CAMKMT: variants seen among roughly 807,000 people sequenced by gnomAD.
CAMKMT encodes the protein calmodulin-lysine N-methyltransferase.
CAMKMT carries 53 observed loss-of-function variants against 48.0 expected under a neutral mutation model. That is an observed-to-expected ratio of 1.10 (90% CI 0.89 to 1.39). The LOEUF is 1.39. CAMKMT is among the 40% of genes most tolerant of loss of function. The pLI is 0.00. For missense variants in CAMKMT, 428 were observed against 402.7 expected, an observed-to-expected ratio of 1.06 and a Z score of -0.54; for synonymous variants, 165 against 152.3, an observed-to-expected ratio of 1.08 and a Z score of -0.61.
chr2:44,391,891 T>C (rs984164828), intron 3 of CAMKMT: 1 of 152,802 alleles, frequency 6.5e-6, no homozygotes, highest in Non-Finnish European at 1.5e-5. Context: ...GTAGAAAGGT[T>C]TAAGACTTTG....
intron 3 of CAMKMT, among the ~76,000 whole-genome samples, chr2:44,419,878 T>C (rs545551931): frequency 6.6e-6 from 1 of 151,536 alleles, no homozygotes; most frequent in Non-Finnish European, 1.5e-5. Context: ...TTTAAAAAAA[T>C]TTTTTTTTTC....
rs184315771 is a variant in CAMKMT at position 44,743,185 on chromosome 2, A to G, written c.624-437A>G. 2.8e-4 allele frequency among the ~76,000 whole-genome samples: 43 copies of G among 152,354 alleles called. No individual in the cohort carries two copies. The East Asian group carries it at 7.5e-3, about 27-fold the overall frequency. On this transcript the variant is annotated intron_variant, in intron 7 of 10. Coordinates refer to ENST00000378494, the MANE Select transcript of CAMKMT (RefSeq NM_024766.5). Reference sequence around the variant, plus strand: ...TCCATCTTACCAAATTGCTCATTTCATCAATATGAAAAGCAACTGATATGC... The same window carrying G: ...TCCATCTTACCAAATTGCTCATTTCGTCAATATGAAAAGCAACTGATATGC...
chr2:44,442,270 AGC>A (rs1666712822), intron 3 of CAMKMT, among the ~76,000 whole-genome samples: 1 of 152,216 alleles, frequency 6.6e-6, no homozygotes, highest in Non-Finnish European at 1.5e-5. Context: ...GCAGGTCAGA[AGC>A]CCAAGAGCAA....
At chr2:44,473,053 G>A (rs982597878) in intron 3 of CAMKMT, among the ~76,000 whole-genome samples, 4 of 152,168 alleles carry the variant, frequency 2.6e-5, no homozygotes, top group Non-Finnish European at 5.9e-5. Context: ...CTACCATGAT[G>A]TTTCTTTCAA....
In CAMKMT at chr2:44,489,307, G is replaced by A. The variant is rs147282256; in HGVS notation, c.376+99002G>A. 2.3e-3 allele frequency among the ~76,000 whole-genome samples: 328 copies of A among 143,420 alleles called. No homozygotes were observed. The Middle Eastern group carries it at 0.03, about 13-fold the overall frequency. The allele number at this position is 143,420 out of a possible 152,430, so 94.1% of individuals were successfully genotyped here. ...GTCGCCCAGGCTGGAGTGCAATGGC[G>A]CAATCTTGGCTCACTGCAATCTCTG... On this transcript the variant is annotated intron_variant, in intron 3 of 10. Transcript: ENST00000378494.
intron 3 of CAMKMT, among the ~76,000 whole-genome samples, chr2:44,401,518 C>G (rs905251779): frequency 6.6e-6 from 1 of 151,674 alleles, no homozygotes; most frequent in South Asian, 2.1e-4. Flanking sequence ...GATTGTGTCA[C>G]TGCACTCCAG....
At chr2:44,366,528 T>C (rs991270228) in intron 1 of CAMKMT, among the ~76,000 whole-genome samples, 5 of 152,264 alleles carry the variant, frequency 3.3e-5, no homozygotes, top group African/African-American at 1.2e-4. Flanking sequence ...TGGTAATAGT[T>C]GTCATATAAG....
rs1278204038 is a variant in CAMKMT at position 44,686,315 on chromosome 2, C to T, written c.377-17968C>T. Among the ~76,000 whole-genome samples, 9 of 151,652 alleles carry T rather than the reference C, an allele frequency of 5.9e-5. No individual in the cohort carries two copies. In the East Asian group the frequency reaches 1.7e-3, roughly 29 times the overall value. On this transcript the variant is annotated intron_variant, in intron 3 of 10. Transcript: ENST00000378494. ...GGCTGAGTCAGGAGAATGGCGTGAA[C>T]CTGGGAGGCAAAGCTTGCAGTGAGC...
intron 3 of CAMKMT, among the ~76,000 whole-genome samples, chr2:44,502,339 G>A (rs1467609680): frequency 1.3e-5 from 2 of 152,102 alleles, no homozygotes; most frequent in Non-Finnish European, 2.9e-5. Flanking sequence ...CCCTGTGACT[G>A]ATTAGTATCC....
chr2:44,570,326 A>T (rs1668839544), intron 3 of CAMKMT, among the ~76,000 whole-genome samples: 1 of 152,212 alleles, frequency 6.6e-6, no homozygotes, highest in Non-Finnish European at 1.5e-5. Context: ...AGCAATCATG[A>T]TCAGACTTGT....
chr2:44,644,482 G>A (rs1053580564), intron 3 of CAMKMT, among the ~76,000 whole-genome samples: 6 of 152,310 alleles, frequency 3.9e-5, no homozygotes, highest in African/African-American at 1.4e-4. Context: ...AAGTTTTGAT[G>A]TAGTTTCCTT....
chr2:44,689,205 C>T (rs343978), intron 3 of CAMKMT, among the ~76,000 whole-genome samples: 19,167 of 152,044 alleles, frequency 0.13, 1,310 homozygotes, highest in South Asian at 0.17. Flanking sequence ...TTATTTCCTC[C>T]ACTCCATTGG....
chr2:44,376,025 T>C (rs1041008587), intron 2 of CAMKMT, among the ~76,000 whole-genome samples: 7 of 151,678 alleles, frequency 4.6e-5, no homozygotes, highest in African/African-American at 1.7e-4. Context: ...TGAAATCAAG[T>C]GATCCACCTG....
intron 10 of CAMKMT, among the ~76,000 whole-genome samples, chr2:44,770,491 A>G (rs1406881937): frequency 1.3e-5 from 2 of 152,228 alleles, no homozygotes; most frequent in African/African-American, 4.8e-5. Flanking sequence ...GAGTCTCTGT[A>G]TATTAGTGCA....
At chr2:44,654,810 C>T (rs759292109) in intron 3 of CAMKMT, among the ~76,000 whole-genome samples, 5 of 152,054 alleles carry the variant, frequency 3.3e-5, no homozygotes, top group South Asian at 2.1e-4. Context: ...CCACTGCGCC[C>T]GGCCTACACG....
chr2:44,450,938 T>G (rs781151604), intron 3 of CAMKMT, among the ~76,000 whole-genome samples: 4 of 152,152 alleles, frequency 2.6e-5, no homozygotes, highest in Non-Finnish European at 4.4e-5. Flanking sequence ...TCCAACTCTC[T>G]GTGCTCTCTG....
At chr2:44,693,819 A>G (rs552618331) in intron 3 of CAMKMT, among the ~76,000 whole-genome samples, 21 of 152,210 alleles carry the variant, frequency 1.4e-4, no homozygotes, top group Non-Finnish European at 2.6e-4. Context: ...CCGTGCATTT[A>G]TTCTTCCAGA....
chr2:44,686,102 G>C (rs1676318881), intron 3 of CAMKMT, among the ~76,000 whole-genome samples: 1 of 152,078 alleles, frequency 6.6e-6, no homozygotes, highest in Non-Finnish European at 1.5e-5. Context: ...TCTATTAAAA[G>C]CAAAGCCTTG....
At chr2:44,734,092 T>A (rs78450357) in intron 7 of CAMKMT, among the ~76,000 whole-genome samples, 1 of 147,258 alleles carries the variant, frequency 6.8e-6, no homozygotes, top group South Asian at 2.2e-4. Flanking sequence ...TTATTACTTC[T>A]TTTTTTTTTT....
Sources: allele counts gnomAD v4.1 joint callset (sites outside exome capture counted in the v4.1 genomes callset), GRCh38; gene constraint gnomAD v4.1.1; transcripts MANE v1.5; gene names NCBI Gene and HGNC (gene_info 2026-07-23, HGNC 2026-07-21).